The following ENPP6 variants were observed in gnomAD, a reference collection of about 807,000 sequenced individuals.
ENPP6 encodes the protein ectonucleotide pyrophosphatase/phosphodiesterase 6.
Under a neutral mutation model 42.0 loss-of-function variants are expected in ENPP6, and 32 were observed. That is an observed-to-expected ratio of 0.76 (90% CI 0.58 to 1.02). The LOEUF (loss-of-function observed/expected upper bound fraction) is 1.02, where lower values mean the gene tolerates loss of function less well. ENPP6 is among the 50% of genes least tolerant of loss of function. ENPP6 has a pLI of 0.00. For missense variants in ENPP6, 552 were observed against 566.8 expected, an observed-to-expected ratio of 0.97 and a Z score of 0.27; for synonymous variants, 213 against 216.0, an observed-to-expected ratio of 0.99 and a Z score of 0.12.
chr4:184,165,898 T>C (rs1737341113), intron 1 of ENPP6, among the ~76,000 whole-genome samples: 1 of 152,230 alleles, frequency 6.6e-6, no homozygotes, highest in Non-Finnish European at 1.5e-5. Context: ...ATATTCCCAC[T>C]AGTAGGTTCC....
At chr4:184,140,355 C>T (rs1736799203) in intron 2 of ENPP6, among the ~76,000 whole-genome samples, 1 of 151,892 alleles carries the variant, frequency 6.6e-6, no homozygotes, top group South Asian at 2.1e-4. Context: ...CATCAAGCTA[C>T]CAATGCCTTT....
intron 2 of ENPP6, among the ~76,000 whole-genome samples, chr4:184,144,462 C>T (rs1015906907): frequency 2.0e-5 from 3 of 152,222 alleles, no homozygotes; most frequent in South Asian, 2.1e-4. Flanking sequence ...CTTTCCTCTG[C>T]GTGCTCCTTC....
chr4:184,151,717 A>C (rs528216681), intron 2 of ENPP6, among the ~76,000 whole-genome samples: 3 of 152,178 alleles, frequency 2.0e-5, no homozygotes, highest in African/African-American at 7.2e-5. Flanking sequence ...ATGCCTGTGT[A>C]TGAATTTGTT....
At chr4:184,182,350 T>C (rs1232208357) in intron 1 of ENPP6, among the ~76,000 whole-genome samples, 1 of 151,212 alleles carries the variant, frequency 6.6e-6, no homozygotes, top group Non-Finnish European at 1.5e-5. Context: ...TTACTAGGAG[T>C]TAAGAAACAA....
chr4:184,134,141 T>C (rs1478206944), intron 2 of ENPP6, among the ~76,000 whole-genome samples: 1 of 151,316 alleles, frequency 6.6e-6, no homozygotes, highest in Non-Finnish European at 1.5e-5. Context: ...GATTTATTTA[T>C]TTATTTATTT....
chr4:184,119,683 A>C (rs4400035), intron 3 of ENPP6, among the ~76,000 whole-genome samples: 17 of 151,880 alleles, frequency 1.1e-4, no homozygotes, highest in Non-Finnish European at 2.2e-4. Flanking sequence ...TAGCTCCCAT[A>C]GTCCCCATGT....
intron 1 of ENPP6, among the ~76,000 whole-genome samples, chr4:184,169,063 T>TA (rs1435265634): frequency 6.6e-6 from 1 of 152,250 alleles, no homozygotes; most frequent in African/African-American, 2.4e-5. Context: ...ATGATTTTTT[T>TA]AAACCACAAT....
chr4:184,145,992 C>A (rs1255616028), intron 2 of ENPP6, among the ~76,000 whole-genome samples: 1 of 150,798 alleles, frequency 6.6e-6, no homozygotes, highest in Admixed American at 6.6e-5. Context: ...AAGGAATATT[C>A]ATGACTCTGT....
intron 1 of ENPP6, among the ~76,000 whole-genome samples, chr4:184,183,869 A>G (rs1732592804): frequency 6.6e-6 from 1 of 152,138 alleles, no homozygotes; most frequent in African/African-American, 2.4e-5. Flanking sequence ...CCTGAACTGC[A>G]CTCAGGCCAA....
In ENPP6 at chr4:184,090,470, T is replaced by A. The variant is rs1735769189; in HGVS notation, c.*707A>T. 6.6e-6 allele frequency: 1 copy of A among 152,338 alleles called. No individual in the cohort carries two copies. Among genetic ancestry groups the A allele is most frequent in the Non-Finnish European group, 1.5e-5 (1 of 68,098 alleles). The allele number at this position is 152,338 out of a possible 1,614,324, so 9.4% of individuals were successfully genotyped here. On this transcript the variant is annotated 3_prime_UTR_variant, in exon 8 of 8. Transcript: ENST00000296741. ...GAAGCCCATGTCCATCAGAAGCTTT[T>A]CTGCTCCTCAAGGCAAGAGAGAAAT...
At chr4:184,124,347 C>T in intron 2 of ENPP6, 75 bp from the exon 3 acceptor site, 1 of 1,047,790 alleles carries the variant, frequency 9.5e-7, no homozygotes. Flanking sequence ...TTTCAGGAAG[C>T]AAACACCATT....
chr4:184,184,031 C>A lies in ENPP6; in HGVS notation c.242-30298G>T, dbSNP rs537758501. On this transcript the variant is annotated intron_variant, in intron 1 of 7. Coordinates refer to ENST00000296741, the MANE Select transcript of ENPP6 (RefSeq NM_153343.4). This position sits in a 1 kb window ranked among gnomAD's most constrained non-coding sequence, Gnocchi z 4.7. ...AGTTGGACATGGTGCAGCCTTCATC[C>A]GTCAGCGTCTGTGAATGACTACATG... 1.3e-5 allele frequency among the ~76,000 whole-genome samples: 2 copies of A among 152,174 alleles called. No individual in the cohort carries two copies. The highest frequency in any genetic ancestry group is 2.9e-5 in the Non-Finnish European group (2 of 68,030).
At chr4:184,119,611 C>A (rs575049007) in intron 3 of ENPP6, among the ~76,000 whole-genome samples, 89 of 152,238 alleles carry the variant, frequency 5.8e-4, no homozygotes, top group African/African-American at 1.9e-3. Context: ...TCCGTTTTCC[C>A]ATCTGAAAAA....
At chr4:184,135,658 T>C (rs1736719483) in intron 2 of ENPP6, among the ~76,000 whole-genome samples, 1 of 148,316 alleles carries the variant, frequency 6.7e-6, no homozygotes, top group South Asian at 2.2e-4. Context: ...AGTAAATTTC[T>C]ATCAAAATTT....
intron 1 of ENPP6, among the ~76,000 whole-genome samples, chr4:184,177,727 A>G (rs1732463208): frequency 6.6e-6 from 1 of 152,098 alleles, no homozygotes; most frequent in South Asian, 2.1e-4. Context: ...GAGGAACCCA[A>G]GCGAATGGAG....
At position 184,091,357 on chromosome 4, in the gene ENPP6, A is replaced by C; in HGVS notation, c.1143T>G (p.Ala381=). The C allele has an allele frequency of 6.2e-7, 1 of 1,609,406 alleles. No homozygotes were observed. The highest frequency in any genetic ancestry group is 8.5e-7 in the Non-Finnish European group (1 of 1,178,330). Reference sequence around the variant, plus strand: ...TGTAGACGTCCACCGACCTGATAGGAGCAGCTCTGAAGTTGGATTTGAAAT... The same window carrying C: ...TGTAGACGTCCACCGACCTGATAGGCGCAGCTCTGAAGTTGGATTTGAAAT... ...GPDFKSNFRA[A]PIRSVDVYNV... Residue 381 remains alanine (A), a synonymous_variant, in exon 8 of 8, where the codon GCT becomes GCG. Coordinates refer to ENST00000296741, the MANE Select transcript of ENPP6 (RefSeq NM_153343.4).
chr4:184,167,053 C>A (rs1038093507), intron 1 of ENPP6, among the ~76,000 whole-genome samples: 1 of 152,198 alleles, frequency 6.6e-6, no homozygotes, highest in Non-Finnish European at 1.5e-5. Context: ...GTGCCTGGGG[C>A]AGGGGTTGGG....
At chr4:184,150,814 ACT>A (rs564964106) in intron 2 of ENPP6, among the ~76,000 whole-genome samples, 34 of 152,272 alleles carry the variant, frequency 2.2e-4, no homozygotes, top group Non-Finnish European at 3.8e-4. Context: ...CACTGAGGAA[ACT>A]CTAGGAGGCT....
chr4:184,093,646 T>TAATAATAAC (rs1735846037), intron 7 of ENPP6, among the ~76,000 whole-genome samples: 1 of 129,612 alleles, frequency 7.7e-6, no homozygotes, highest in Non-Finnish European at 1.6e-5. Flanking sequence ...CTCAAAATAA[T>TAATAATAAC]AATAATAATA....
Sources: gnomAD v4.1 joint callset for allele counts (sites outside exome capture counted in the v4.1 genomes callset) on GRCh38, gnomAD v4.1.1 for gene constraint, Gnocchi (gnomAD v3.1) non-coding constraint, MANE v1.5 for transcripts, NCBI Gene and HGNC (gene_info 2026-07-23, HGNC 2026-07-21) for gene names.